MAFG: variants seen among roughly 807,000 people sequenced by gnomAD.
MAFG encodes the protein transcription factor MafG.
In MAFG, 3 loss-of-function variants were observed where a neutral mutation model predicts 12.2. The ratio of observed to expected loss-of-function variants is 0.25; its 90% CI spans 0.11 to 0.64. MAFG has a LOEUF of 0.64. Ranked by LOEUF, MAFG falls within the 30% of genes least tolerant of loss-of-function variation. MAFG has a pLI of 0.85. For synonymous variants in MAFG, 126 were observed against 109.1 expected (o/e 1.15, Z -0.96); for missense variants, 153 against 235.5 (o/e 0.65, Z 2.29).
intron 1 of MAFG, 42 bp from the exon 2 acceptor site, chr17:81,923,256 C>G: frequency 2.4e-5 from 20 of 824,892 alleles, no homozygotes; most frequent in Admixed American, 4.5e-5. Context: ...AGACCACCCT[C>G]GCCGCACCCC....
At chr17:81,923,496 A>C in intron 1 of MAFG, 9 of 341,622 alleles carry the variant, frequency 2.6e-5, no homozygotes, top group East Asian at 5.4e-5. Context: ...GGCGCAAGAC[A>C]AGGGGCAGGG....
intron 1 of MAFG, among the ~76,000 whole-genome samples, chr17:81,927,289 G>T (rs926513185): frequency 2.0e-5 from 3 of 151,094 alleles, no homozygotes; most frequent in African/African-American, 7.3e-5. Flanking sequence ...CGCCGCCCGC[G>T]GCCCACCTCC....
In MAFG at chr17:81,924,026, C is replaced by T. The variant is rs540527698; in HGVS notation, c.-29-812G>A. 154 of 152,432 alleles carry T rather than the reference C, an allele frequency of 1.0e-3. No homozygotes were observed. The highest frequency in any genetic ancestry group is 3.4e-3 in the African/African-American group (140 of 41,586). 9.4% of individuals were successfully genotyped at this position (152,432 alleles called of 1,614,324 possible). ...CTGGCCCGAGGCCCCTCTAGACCTC[C>T]CAGTCGGCCTCCTCCACTGATGGAG... On this transcript the variant is annotated intron_variant, in intron 1 of 2. Coordinates refer to ENST00000357736, the MANE Select transcript of MAFG (RefSeq NM_002359.4). This position sits in a 1 kb window ranked among gnomAD's most constrained non-coding sequence, Gnocchi z 4.7.
Position 81,922,776 on chromosome 17 carries a change from C to T in MAFG, c.318G>A (p.Ala106=), listed in dbSNP as rs376492310. The change falls in exon 3 of 3, where the codon GCG becomes GCA. Residue 106 remains alanine (A), a synonymous_variant. Coordinates refer to ENST00000357736, the MANE Select transcript of MAFG (RefSeq NM_002359.4). ...GCAGCGCCTCGTACTTGGAGCGCAGCGCGTCGAGCTCCAGCTTCATGCTGG... is the reference window on the plus strand; with the variant it reads ...GCAGCGCCTCGTACTTGGAGCGCAGTGCGTCGAGCTCCAGCTTCATGCTGG... ...ENASMKLELD[A]LRSKYEALQT... 6.9e-6 allele frequency: 11 copies of T among 1,597,816 alleles called. No homozygotes were observed. Among genetic ancestry groups the T allele is most frequent in the South Asian group, 1.1e-5 (1 of 88,638 alleles).
At chr17:81,927,893 C>T (rs972099871), upstream of MAFG, 8 of 152,160 alleles carry the variant, frequency 5.3e-5, no homozygotes, top group African/African-American at 1.7e-4. Context: ...CGGGGTCTCA[C>T]GGGCGGGCCT....
rs887798478 is a variant in MAFG at position 81,922,071 on chromosome 17, G to A, written c.*534C>T. On this transcript the variant is annotated 3_prime_UTR_variant, in exon 3 of 3. Coordinates refer to ENST00000357736, the MANE Select transcript of MAFG (RefSeq NM_002359.4). ...CACGCCCCCAGCACCACTGCGCCCA[G>A]GCTGGTGGTCCACCCATCAGGGCCT... 6.6e-6 allele frequency: 1 copy of A among 152,456 alleles called. No homozygotes were observed. 9.4% of individuals were successfully genotyped at this position (152,456 alleles called of 1,614,324 possible).
rs1028854308 is a variant in MAFG, at chr17:81,919,889, C to T, written c.*2716G>A. On this transcript the variant is annotated 3_prime_UTR_variant, in exon 3 of 3. Coordinates refer to ENST00000357736, the MANE Select transcript of MAFG (RefSeq NM_002359.4). ...CAAAGCTCTTGAAAGGAGGTATGGC[C>T]TCGAAACTCCAGAAGCCTCTTCTGC... 6.6e-6 allele frequency: 1 copy of T among 152,210 alleles called. No individual in the cohort carries two copies. The highest frequency in any genetic ancestry group is 2.4e-5 in the African/African-American group (1 of 41,422). 9.4% of individuals were successfully genotyped at this position (152,210 alleles called of 1,614,324 possible).
chr17:81,923,895 C>T (rs1465160742), intron 1 of MAFG, among the ~76,000 whole-genome samples: 1 of 152,236 alleles, frequency 6.6e-6, no homozygotes, highest in Non-Finnish European at 1.5e-5. Context: ...AGCCTCCTAA[C>T]TTTGAAAAGC....
chr17:81,930,796 C>T (rs2040979144), upstream of MAFG: 1 of 152,304 alleles, frequency 6.6e-6, no homozygotes, highest in African/African-American at 2.4e-5. This position sits in a 1 kb window ranked among gnomAD's most constrained non-coding sequence, Gnocchi z 4.1. Context: ...CTTTCCAGGA[C>T]TGAGAGGTGT....
At chr17:81,930,719 GCTC>G (rs2040978375), upstream of MAFG, 1 of 152,272 alleles carries the variant, frequency 6.6e-6, no homozygotes, top group Admixed American at 6.5e-5. This position sits in a 1 kb window ranked among gnomAD's most constrained non-coding sequence, Gnocchi z 4.1. Flanking sequence ...GAGGCGGGCA[GCTC>G]CTCCTCCAGG....
upstream of MAFG, among the ~76,000 whole-genome samples, chr17:81,928,830 C>T (rs549172633): frequency 6.6e-6 from 1 of 152,348 alleles, no homozygotes; most frequent in African/African-American, 2.4e-5. This position sits in a 1 kb window ranked among gnomAD's most constrained non-coding sequence, Gnocchi z 8.1. Flanking sequence ...CTCCTCCCTG[C>T]TCGCGTCCTC....
upstream of MAFG, chr17:81,927,878 C>G (rs2143832497): frequency 6.6e-6 from 1 of 152,298 alleles, no homozygotes; most frequent in Admixed American, 6.5e-5. Flanking sequence ...TGCTCTAGCG[C>G]CTGGCGGGGT....
rs989509943 is a variant in MAFG, at chr17:81,923,180, C to T, written c.6G>A (p.Thr2=). The T allele has an allele frequency of 1.9e-6, 3 of 1,603,342 alleles. No homozygotes were observed. Among genetic ancestry groups the T allele is most frequent in the South Asian group, 1.1e-5 (1 of 90,430 alleles). M[T]TPNKGNKALK... is the part of the protein sequence containing the mutation. ...AGGCCTTGTTTCCTTTATTGGGGGT[C>T]GTCATAACCCGGGGGCACAGCGAGC... Residue 2 remains threonine (T), a synonymous_variant, in exon 2 of 3, where the codon ACG becomes ACA. Transcript: ENST00000357736.
chr17:81,923,262 A>ACACCCCCCCCCCCC (rs1367797849), intron 1 of MAFG, 48 bp from the exon 2 acceptor site: 1 of 336,900 alleles, frequency 3.0e-6, no homozygotes, highest in African/African-American at 7.4e-5. Context: ...CCCTCGCCGC[A>ACACCCCCCCCCCCC]CCCCCCCCCC....
At chr17:81,930,618 C>G (rs1321909418), upstream of MAFG, 3 of 152,064 alleles carry the variant, frequency 2.0e-5, no homozygotes, top group African/African-American at 7.3e-5. The surrounding 1 kb of genome is among the most constrained non-coding windows in gnomAD (Gnocchi z 4.1). Context: ...GAGCTGTGAT[C>G]ATACCACTGC....
intron 1 of MAFG, among the ~76,000 whole-genome samples, chr17:81,925,062 T>G (rs2040928071): frequency 6.6e-6 from 1 of 152,200 alleles, no homozygotes. Flanking sequence ...AGCCAGTGCG[T>G]TCCAGGCTCC....
chr17:81,923,241 C>CTGT, intron 1 of MAFG, 27 bp from the exon 2 acceptor site: 4 of 1,328,224 alleles, frequency 3.0e-6, no homozygotes, highest in Admixed American at 2.7e-5. Flanking sequence ...AGGTCAGTAC[C>CTGT]CTGGAGACCA....
rs2040861791 is a variant in MAFG, at chr17:81,919,218, T to C, written c.*3387A>G. ...TCACAAGATCCCAGAGCGGAAACGGTGCAGCAGGCTGCGGCTCCGACTTTC... is the reference window on the plus strand; with the variant it reads ...TCACAAGATCCCAGAGCGGAAACGGCGCAGCAGGCTGCGGCTCCGACTTTC... On this transcript the variant is annotated 3_prime_UTR_variant, in exon 3 of 3. Coordinates refer to ENST00000357736, the MANE Select transcript of MAFG (RefSeq NM_002359.4). The C allele has an allele frequency of 1.3e-5, 2 of 152,270 alleles. No homozygotes were observed. Among genetic ancestry groups the C allele is most frequent in the Non-Finnish European group, 2.9e-5 (2 of 68,044 alleles). 9.4% of individuals were successfully genotyped at this position (152,270 alleles called of 1,614,324 possible).
chr17:81,927,209 C>T (rs1399893251), intron 1 of MAFG, among the ~76,000 whole-genome samples: 1 of 151,810 alleles, frequency 6.6e-6, no homozygotes, highest in Non-Finnish European at 1.5e-5. Flanking sequence ...TCCCGCCGTC[C>T]AGTGCCCCTC....
Sources: allele counts gnomAD v4.1 joint callset (sites outside exome capture counted in the v4.1 genomes callset), GRCh38; gene constraint gnomAD v4.1.1; non-coding constraint Gnocchi (gnomAD v3.1); transcripts MANE v1.5; gene names NCBI Gene and HGNC (gene_info 2026-07-23, HGNC 2026-07-21).